Variants in POU6F2 observed in about 807,000 individuals in gnomAD.
POU6F2 encodes POU domain, class 6, transcription factor 2.
A neutral mutation model predicts 71.3 loss-of-function variants in POU6F2; 31 were observed. That is an observed-to-expected ratio of 0.43 (90% CI 0.33 to 0.59). The LOEUF is 0.59. POU6F2 is among the 20% of genes least tolerant of loss of function. The probability of loss-of-function intolerance (pLI) is 0.04; values close to 1 mark genes in which losing one functional copy is unlikely to be tolerated. For synonymous variants in POU6F2, 347 were observed against 355.7 expected (o/e 0.98, Z 0.27); for missense variants, 783 against 856.8 (o/e 0.91, Z 1.07).
intron 2 of POU6F2, among the ~76,000 whole-genome samples, chr7:39,130,798 C>T (rs1453455656): frequency 6.6e-6 from 1 of 152,088 alleles, no homozygotes; most frequent in East Asian, 1.9e-4. Flanking sequence ...TTGTCAGTCA[C>T]CCCAAATGAA....
At chr7:39,334,294 A>G (rs187064424) in intron 4 of POU6F2, among the ~76,000 whole-genome samples, 2 of 152,128 alleles carry the variant, frequency 1.3e-5, no homozygotes, top group Non-Finnish European at 2.9e-5. Flanking sequence ...TAAAGACAGA[A>G]TTCTGGGTAC....
At chr7:39,206,182 C>T (rs7778299) in intron 3 of POU6F2, among the ~76,000 whole-genome samples, 126,790 of 152,192 alleles carry the variant, frequency 0.83, 53,279 homozygotes, top group East Asian at 1. Context: ...ACAACAGATA[C>T]AGGATTATTA....
At chr7:39,061,101 T>C (rs867030054) in intron 1 of POU6F2, among the ~76,000 whole-genome samples, 1 of 152,140 alleles carries the variant, frequency 6.6e-6, no homozygotes, top group African/African-American at 2.4e-5. Flanking sequence ...TTAACATAAA[T>C]ATTTTTATTA....
At chr7:39,287,465 T>C (rs1440369175) in intron 4 of POU6F2, among the ~76,000 whole-genome samples, 32 of 152,136 alleles carry the variant, frequency 2.1e-4, no homozygotes, top group Non-Finnish European at 2.9e-5. Flanking sequence ...AGGCCTTAGC[T>C]TCTCATCAAA....
In POU6F2 at chr7:38,981,090, T is replaced by C. The variant is rs116304371; in HGVS notation, c.105+3032T>C. Among the ~76,000 whole-genome samples the C allele has an allele frequency of 7.1e-3, 1,089 of 152,366 alleles. 17 individuals carry two copies. Among genetic ancestry groups the C allele is most frequent in the African/African-American group, 0.024 (1,012 of 41,588 alleles). ...ATTTTTGGAAATCAAATCAGATTTCTGATAGCAATTACCTGTAGTTAGCTT... is the reference window on the plus strand; with the variant it reads ...ATTTTTGGAAATCAAATCAGATTTCCGATAGCAATTACCTGTAGTTAGCTT... On this transcript the variant is annotated intron_variant, in intron 1 of 9. Transcript: ENST00000518318.
At chr7:39,004,860 T>A (rs859549) in intron 1 of POU6F2, among the ~76,000 whole-genome samples, 1 of 151,950 alleles carries the variant, frequency 6.6e-6, no homozygotes, top group East Asian at 1.9e-4. Flanking sequence ...GCCGCCCTGA[T>A]TTGCTATAGG....
intron 4 of POU6F2, among the ~76,000 whole-genome samples, chr7:39,335,025 G>T (rs1168719800): frequency 6.6e-6 from 1 of 152,186 alleles, no homozygotes; most frequent in Admixed American, 6.5e-5. Context: ...TGTGGACAAG[G>T]TAAACTGATG....
intron 2 of POU6F2, among the ~76,000 whole-genome samples, chr7:39,168,733 GT>G (rs1793160878): frequency 6.6e-6 from 1 of 152,146 alleles, no homozygotes; most frequent in Non-Finnish European, 1.5e-5. Context: ...ATTGAGAGTT[GT>G]TAACACAATA....
chr7:39,277,050 A>G (rs1010007841), intron 4 of POU6F2, among the ~76,000 whole-genome samples: 4 of 152,132 alleles, frequency 2.6e-5, no homozygotes, highest in African/African-American at 9.7e-5. Flanking sequence ...CTTAAAGTCT[A>G]ATAATAATTT....
chr7:39,251,074 G>A (rs1046623204), intron 4 of POU6F2, among the ~76,000 whole-genome samples: 4 of 152,128 alleles, frequency 2.6e-5, no homozygotes, highest in Admixed American at 1.3e-4. Flanking sequence ...TCACACATAG[G>A]CAACATTCAT....
At chr7:39,216,725 A>G (rs888399304) in intron 4 of POU6F2, among the ~76,000 whole-genome samples, 1 of 152,218 alleles carries the variant, frequency 6.6e-6, no homozygotes, top group Non-Finnish European at 1.5e-5. Flanking sequence ...CAAAATACCA[A>G]CTTTCTTTAA....
At chr7:39,180,168 G>C (rs547159076) in intron 2 of POU6F2, among the ~76,000 whole-genome samples, 1 of 152,294 alleles carries the variant, frequency 6.6e-6, no homozygotes, top group African/African-American at 2.4e-5. Context: ...GGAGGAAACA[G>C]CACAGAGACA....
intron 4 of POU6F2, among the ~76,000 whole-genome samples, chr7:39,245,452 C>T (rs1287091123): frequency 2.0e-5 from 3 of 152,102 alleles, no homozygotes; most frequent in Non-Finnish European, 4.4e-5. Flanking sequence ...GAGCCATTGG[C>T]CCAAGAGGTT....
In POU6F2 at chr7:39,464,630, C is replaced by T; in HGVS notation, c.2107C>T (p.Pro703Ser). 1 of 1,608,894 alleles carries T rather than the reference C, an allele frequency of 6.2e-7. No homozygotes were observed. The highest frequency in any genetic ancestry group is 8.5e-7 in the Non-Finnish European group (1 of 1,177,628). ...NTIKRLKQHEPATAVPLEPLT... is the reference protein window; with the variant it reads ...NTIKRLKQHESATAVPLEPLT... Reference sequence around the variant, plus strand: ...AATTAAACGCTTAAAACAGCACGAGCCGGCCACGGCAGTCCCTTTGGAGCC... The same window carrying T: ...AATTAAACGCTTAAAACAGCACGAGTCGGCCACGGCAGTCCCTTTGGAGCC... The change falls in exon 10 of 10, where the codon CCG becomes TCG. Residue 703 changes from proline to serine, a missense_variant. Coordinates refer to ENST00000518318, the MANE Select transcript of POU6F2 (RefSeq NM_001370959.1). The surrounding 1 kb of genome is among the most constrained non-coding windows in gnomAD (Gnocchi z 4.1).
chr7:39,239,544 T>C (rs1027485923), intron 4 of POU6F2, among the ~76,000 whole-genome samples: 2 of 152,182 alleles, frequency 1.3e-5, no homozygotes, highest in East Asian at 1.9e-4. Flanking sequence ...GTTTTCCATA[T>C]TAATTTTCTA....
chr7:39,122,037 G>A (rs1204131988), intron 2 of POU6F2, among the ~76,000 whole-genome samples: 1 of 152,182 alleles, frequency 6.6e-6, no homozygotes, highest in Non-Finnish European at 1.5e-5. Context: ...GGTGATGATG[G>A]TGACCATTGA....
chr7:39,390,653 T>C (rs573685992), intron 5 of POU6F2, among the ~76,000 whole-genome samples: 181 of 152,278 alleles, frequency 1.2e-3, no homozygotes, highest in African/African-American at 4.3e-3. Flanking sequence ...GATTACAAAT[T>C]TCTTCCATTA....
At chr7:39,047,329 T>C (rs1348640708) in intron 1 of POU6F2, among the ~76,000 whole-genome samples, 1 of 151,926 alleles carries the variant, frequency 6.6e-6, no homozygotes, top group Non-Finnish European at 1.5e-5. Flanking sequence ...CACTATTAGG[T>C]TTTCCAATCC....
chr7:39,264,147 C>T (rs1436053746), intron 4 of POU6F2, among the ~76,000 whole-genome samples: 1 of 152,160 alleles, frequency 6.6e-6, no homozygotes, highest in African/African-American at 2.4e-5. Context: ...GCGTCTGAGC[C>T]CAGCTTCCCC....
Sources: gnomAD v4.1 joint callset for allele counts (sites outside exome capture counted in the v4.1 genomes callset) on GRCh38, gnomAD v4.1.1 for gene constraint, Gnocchi (gnomAD v3.1) non-coding constraint, MANE v1.5 for transcripts, NCBI Gene and HGNC (gene_info 2026-07-23, HGNC 2026-07-21) for gene names.